ENOSF1: variants seen among roughly 807,000 people sequenced by gnomAD.
ENOSF1 encodes the protein mitochondrial enolase superfamily member 1.
Under a neutral mutation model 68.2 loss-of-function variants are expected in ENOSF1, and 73 were observed. The observed-to-expected ratio is 1.07, with a 90% CI of 0.89 to 1.30. The LOEUF (loss-of-function observed/expected upper bound fraction) is 1.30. ENOSF1 is among the 50% of genes most tolerant of loss of function. The probability of loss-of-function intolerance (pLI) is 0.00; values close to 1 mark genes in which losing one functional copy is unlikely to be tolerated. For missense variants in ENOSF1, 589 were observed against 554.5 expected (o/e 1.06, Z -0.62); for synonymous variants, 223 against 210.4 (o/e 1.06, Z -0.52).
In ENOSF1 at chr18:688,617, A is replaced by G. The variant is rs1020826465; in HGVS notation, c.619-9T>C. On this transcript the variant is annotated splice_polypyrimidine_tract_variant and intron_variant, in intron 8 of 15. Coordinates refer to ENST00000647584, the MANE Select transcript of ENOSF1 (RefSeq NM_017512.7). ...AGCGCCTGGGCACAGAGCTGTGGGAAAGGAGCACAGGGTCACACACTGGAG... is the reference window on the plus strand; with the variant it reads ...AGCGCCTGGGCACAGAGCTGTGGGAGAGGAGCACAGGGTCACACACTGGAG... 14 of 1,613,640 alleles carry G rather than the reference A, an allele frequency of 8.7e-6. No individual in the cohort carries two copies. Among genetic ancestry groups the G allele is most frequent in the Non-Finnish European group, 1.1e-5 (13 of 1,179,752 alleles).
chr18:691,172 C>T (rs375354473), intron 6 of ENOSF1, 32 bp downstream of exon 6: 242 of 1,613,324 alleles, frequency 1.5e-4, no homozygotes, highest in Middle Eastern at 9.9e-4. Flanking sequence ...TGTGTGTGCA[C>T]GTCGTGTATC....
chr18:691,351 T>G, intron 5 of ENOSF1, 75 bp from the exon 6 acceptor site: 1 of 1,270,418 alleles, frequency 7.9e-7, no homozygotes. Flanking sequence ...TAAAATTTAT[T>G]ATTCTTTTTT....
chr18:673,178 C>T lies in ENOSF1; in HGVS notation c.*1127G>A, dbSNP rs1271446270. 1 of 578,252 alleles carries T rather than the reference C, an allele frequency of 1.7e-6. No individual in the cohort carries two copies. The highest frequency in any genetic ancestry group is 2.8e-6 in the Non-Finnish European group (1 of 363,410). 35.8% of individuals were successfully genotyped at this position (578,252 alleles called of 1,614,324 possible). Reference sequence around the variant, plus strand: ...CAAATGTAACTGTGCCAGTTCTTTCCATAATAAAAGGCTTTGAGTTAACTC... The same window carrying T: ...CAAATGTAACTGTGCCAGTTCTTTCTATAATAAAAGGCTTTGAGTTAACTC... On this transcript the variant is annotated 3_prime_UTR_variant, in exon 16 of 16. Transcript: ENST00000647584.
chr18:707,688 ATATT>A (rs2079080402), intron 1 of ENOSF1: 1 of 152,126 alleles, frequency 6.6e-6, no homozygotes, highest in Non-Finnish European at 1.5e-5. Flanking sequence ...TTATTCTATA[ATATT>A]TATTGTGCCA....
intron 10 of ENOSF1, among the ~76,000 whole-genome samples, 178 bp downstream of exon 10, chr18:685,743 G>A (rs1216908688): frequency 2.6e-5 from 4 of 152,144 alleles, no homozygotes; most frequent in Non-Finnish European, 4.4e-5. Context: ...ATTAAAAAAC[G>A]TAAAACTATT....
intron 1 of ENOSF1, among the ~76,000 whole-genome samples, chr18:711,387 T>C (rs1331831632): frequency 6.6e-6 from 1 of 152,202 alleles, no homozygotes; most frequent in East Asian, 1.9e-4. Flanking sequence ...AACATTACAA[T>C]GGGAATTAGA....
intron 13 of ENOSF1, 43 bp from the exon 14 acceptor site, chr18:677,487 G>A: frequency 6.5e-7 from 1 of 1,546,312 alleles, no homozygotes; most frequent in Non-Finnish European, 8.9e-7. Context: ...AGTAGGGCAG[G>A]GAGAGGAAGG....
chr18:688,333 G>C, intron 9 of ENOSF1: 1 of 511,122 alleles, frequency 2.0e-6, no homozygotes, highest in Non-Finnish European at 3.5e-6. Context: ...GTTAGTGCCC[G>C]AAATAAACAA....
intron 1 of ENOSF1, among the ~76,000 whole-genome samples, chr18:710,299 G>A (rs924556142): frequency 1.3e-5 from 2 of 152,066 alleles, no homozygotes; most frequent in Non-Finnish European, 1.5e-5. Context: ...TTGTTGAGAC[G>A]AGGTCTCACT....
At chr18:689,983 A>C (rs1239280385) in intron 8 of ENOSF1, among the ~76,000 whole-genome samples, 1 of 152,098 alleles carries the variant, frequency 6.6e-6, no homozygotes, top group Non-Finnish European at 1.5e-5. Flanking sequence ...ACCCCCAAGG[A>C]ACAGGGTTCA....
At chr18:668,143 G>GTGTA (rs1210694300), downstream of ENOSF1, among the ~76,000 whole-genome samples, 7 of 151,966 alleles carry the variant, frequency 4.6e-5, no homozygotes, top group Non-Finnish European at 1.0e-4. Context: ...ACGTGCACTT[G>GTGTA]TGTATGTGTG....
chr18:677,722 C>T, intron 13 of ENOSF1, 21 bp downstream of exon 13: 6 of 1,605,538 alleles, frequency 3.7e-6, no homozygotes, highest in Non-Finnish European at 5.1e-6. Flanking sequence ...GTCTGGTCTG[C>T]AGCCGCTGCA....
At chr18:694,011 A>G in intron 4 of ENOSF1, 103 bp from the exon 5 acceptor site, 1 of 1,319,070 alleles carries the variant, frequency 7.6e-7, no homozygotes, top group Non-Finnish European at 1.1e-6. Flanking sequence ...GTCAGCCACC[A>G]GGTCCCCACA....
At chr18:684,154 A>C (rs971633734) in intron 10 of ENOSF1, among the ~76,000 whole-genome samples, 10 of 151,502 alleles carry the variant, frequency 6.6e-5, no homozygotes, top group Admixed American at 2.0e-4. Context: ...CCACCACACC[A>C]GGCTATTTTT....
In ENOSF1 at chr18:677,936, C is replaced by T. The variant is rs1478387827; in HGVS notation, c.919-64G>A. The T allele has an allele frequency of 1.0e-5, 16 of 1,552,548 alleles. No individual in the cohort carries two copies. The African/African-American group carries it at 1.5e-4, about 15-fold the overall frequency. ...AGCCTTGGCCTTCAGGATCTCTAAACCTGGCAACGCAGCCACTCTATGCCA... is the reference window on the plus strand; with the variant it reads ...AGCCTTGGCCTTCAGGATCTCTAAATCTGGCAACGCAGCCACTCTATGCCA... On this transcript the variant is annotated intron_variant, in intron 12 of 15. Coordinates refer to ENST00000647584, the MANE Select transcript of ENOSF1 (RefSeq NM_017512.7).
chr18:668,214 A>G (rs1199999974), downstream of ENOSF1, among the ~76,000 whole-genome samples: 1 of 151,772 alleles, frequency 6.6e-6, no homozygotes, highest in Non-Finnish European at 1.5e-5. Flanking sequence ...ACAGAACTAC[A>G]CTACCAAGGT....
At chr18:685,186 G>A (rs1413193817) in intron 10 of ENOSF1, among the ~76,000 whole-genome samples, 1 of 151,072 alleles carries the variant, frequency 6.6e-6, no homozygotes, top group Non-Finnish European at 1.5e-5. Flanking sequence ...TGTATTTTTC[G>A]GTACAGATGG....
the ENOSF1 span, among the ~76,000 whole-genome samples, chr18:664,791 T>C: frequency 1.3e-5 from 2 of 150,394 alleles, no homozygotes; most frequent in South Asian, 4.3e-4. Context: ...GGTTTTTGTC[T>C]TTGGATCTGT....
intron 1 of ENOSF1, among the ~76,000 whole-genome samples, chr18:708,993 C>A (rs148597845): frequency 2.2e-4 from 33 of 152,194 alleles, no homozygotes; most frequent in African/African-American, 7.9e-4. Context: ...GTCAACAGGA[C>A]GAGATGAGCC....
Sources: gnomAD v4.1 joint callset for allele counts (sites outside exome capture counted in the v4.1 genomes callset) on GRCh38, gnomAD v4.1.1 for gene constraint, MANE v1.5 for transcripts, NCBI Gene and HGNC (gene_info 2026-07-23, HGNC 2026-07-21) for gene names.